MRTFA: variants seen among roughly 807,000 people sequenced by gnomAD.
MRTFA encodes the protein myocardin related transcription factor A, also known as myocardin-related transcription factor A.
In MRTFA, 20 loss-of-function variants were observed where a neutral mutation model predicts 83.5. That is an observed-to-expected ratio of 0.24 (90% CI 0.17 to 0.35). The LOEUF is 0.35. Among genes scored for constraint, MRTFA ranks in the 10% least tolerant of loss-of-function variants. The probability of loss-of-function intolerance (pLI) is 1.00; values close to 1 mark genes in which losing one functional copy is unlikely to be tolerated. For synonymous variants in MRTFA, 659 were observed against 541.2 expected (o/e 1.22, Z -3.02); for missense variants, 1,200 against 1,224.7 (o/e 0.98, Z 0.30).
In MRTFA at chr22:40,416,677, C is replaced by A. The variant is rs1384191630; in HGVS notation, c.2578+309G>T. Among the ~76,000 whole-genome samples, 1 of 152,244 alleles carries A rather than the reference C, an allele frequency of 6.6e-6. No individual in the cohort carries two copies. The highest frequency in any genetic ancestry group is 2.4e-5 in the African/African-American group (1 of 41,468). On this transcript the variant is annotated intron_variant, in intron 14 of 14. Transcript: ENST00000355630. The surrounding 1 kb of genome is among the most constrained non-coding windows in gnomAD (Gnocchi z 4.2). The stretch of plus-strand genomic sequence containing the variant: ...GCTCCTCTCGGATCTTCCATATGAT[C>A]TGCTTATTTCTTATATTTGTTGTCC...
At chr22:40,561,314 C>G (rs1394989809) in intron 2 of MRTFA, among the ~76,000 whole-genome samples, 1 of 151,614 alleles carries the variant, frequency 6.6e-6, no homozygotes, top group East Asian at 1.9e-4. Flanking sequence ...AGGTACTGCC[C>G]TACGTCCTAC....
At chr22:40,537,784 C>T (rs1602402057) in intron 3 of MRTFA, among the ~76,000 whole-genome samples, 1 of 30,280 alleles carries the variant, frequency 3.3e-5, no homozygotes, top group Non-Finnish European at 6.2e-5. Context: ...GTCAGCCCCC[C>T]GCCTGGCCAG....
chr22:40,422,450 G>C (rs923066640), intron 9 of MRTFA, among the ~76,000 whole-genome samples: 2 of 152,216 alleles, frequency 1.3e-5, no homozygotes, highest in African/African-American at 4.8e-5. Context: ...GAAAAGCAGG[G>C]ACACCTGCTG....
intron 3 of MRTFA, among the ~76,000 whole-genome samples, chr22:40,475,327 C>G (rs1368236146): frequency 1.3e-5 from 2 of 151,878 alleles, no homozygotes; most frequent in Non-Finnish European, 2.9e-5. Flanking sequence ...CACCTGAGGT[C>G]AGGAGTTCGA....
chr22:40,419,043 C>A lies in MRTFA; in HGVS notation c.1695G>T (p.Thr565=), dbSNP rs551092105. The stretch of plus-strand genomic sequence containing the variant: ...CCCCGGGGGTGGAGTTTTCATCGCC[C>A]GTGCTGAGCAGTGAGCGCTCCGAGG... Residue 565 remains threonine, a synonymous_variant, in exon 12 of 15, where the codon ACG becomes ACT. Coordinates refer to ENST00000355630, the MANE Select transcript of MRTFA (RefSeq NM_020831.6). The A allele has an allele frequency of 2.7e-5, 43 of 1,611,826 alleles. No homozygotes were observed. Among genetic ancestry groups the A allele is most frequent in the Non-Finnish European group, 3.6e-5 (43 of 1,179,614 alleles).
chr22:40,445,050 G>A (rs1212345909), intron 4 of MRTFA, among the ~76,000 whole-genome samples: 1 of 152,136 alleles, frequency 6.6e-6, no homozygotes, highest in Non-Finnish European at 1.5e-5. Flanking sequence ...CTGGGCAACA[G>A]AATAAGAGCC....
At chr22:40,607,815 T>C (rs1044007808) in intron 1 of MRTFA, among the ~76,000 whole-genome samples, 12 of 152,232 alleles carry the variant, frequency 7.9e-5, no homozygotes, top group Admixed American at 7.2e-4. Context: ...ACTGTTCCAA[T>C]TGTTTAACTT....
intron 3 of MRTFA, among the ~76,000 whole-genome samples, chr22:40,497,452 G>A (rs974823585): frequency 1.3e-5 from 2 of 152,134 alleles, no homozygotes; most frequent in Non-Finnish European, 1.5e-5. Context: ...TGAGGAAGAG[G>A]AAAATAATCT....
chr22:40,573,301 C>G (rs895507237), intron 2 of MRTFA, among the ~76,000 whole-genome samples: 2 of 152,162 alleles, frequency 1.3e-5, no homozygotes, highest in African/African-American at 4.8e-5. Flanking sequence ...GTCACCCAGG[C>G]TGGAGTGCAG....
At chr22:40,496,103 A>G (rs970834095) in intron 3 of MRTFA, among the ~76,000 whole-genome samples, 1 of 151,826 alleles carries the variant, frequency 6.6e-6, no homozygotes, top group Non-Finnish European at 1.5e-5. Flanking sequence ...TAATAATAAT[A>G]ATAAGGCTCT....
chr22:40,528,843 A>C (rs974303775), intron 3 of MRTFA, among the ~76,000 whole-genome samples: 6 of 152,016 alleles, frequency 3.9e-5, no homozygotes, highest in Non-Finnish European at 5.9e-5. Context: ...CCCAACACAA[A>C]TTTGTAAACT....
chr22:40,438,411 C>T (rs1318426215), intron 4 of MRTFA, among the ~76,000 whole-genome samples: 1 of 152,232 alleles, frequency 6.6e-6, no homozygotes, highest in African/African-American at 2.4e-5. Context: ...CTTGCTGCCT[C>T]AACAACCCAC....
At chr22:40,420,717 A>AGAGTG (rs1308708438) in intron 10 of MRTFA, 130 bp downstream of exon 10, 3 of 1,535,246 alleles carry the variant, frequency 2.0e-6, no homozygotes, top group Non-Finnish European at 2.6e-6. Flanking sequence ...CCCTGCCTGC[A>AGAGTG]GACCACTCTG....
intron 4 of MRTFA, among the ~76,000 whole-genome samples, chr22:40,448,037 C>T (rs567653235): frequency 3.3e-5 from 5 of 152,076 alleles, no homozygotes; most frequent in Non-Finnish European, 1.5e-5. Context: ...TGGGGCTGGG[C>T]GTGGTGGCTC....
At chr22:40,429,546 C>T (rs1298092511) in intron 7 of MRTFA, 60 bp downstream of exon 7, 1 of 1,599,774 alleles carries the variant, frequency 6.3e-7, no homozygotes, top group African/African-American at 1.3e-5. Context: ...TTCAGCCTGG[C>T]ACTCCCTCCC....
At chr22:40,523,347 A>G (rs772054003) in intron 3 of MRTFA, 7 of 152,146 alleles carry the variant, frequency 4.6e-5, no homozygotes, top group Non-Finnish European at 1.0e-4. Context: ...TGCATGTGAC[A>G]ATCTTTTTTT....
intron 1 of MRTFA, among the ~76,000 whole-genome samples, chr22:40,603,467 A>G (rs2147399151): frequency 1.3e-5 from 2 of 152,280 alleles, no homozygotes; most frequent in Admixed American, 1.3e-4. Flanking sequence ...ACATATTCTA[A>G]CAAACTGCTG....
At chr22:40,617,156 A>G (rs144134928) in intron 1 of MRTFA, among the ~76,000 whole-genome samples, 1,898 of 101,748 alleles carry the variant, frequency 0.019, 103 homozygotes, top group African/African-American at 0.074. Flanking sequence ...GAAGGAAGGA[A>G]GGAAGGAGGG....
At chr22:40,483,006 A>G (rs2147187917) in intron 3 of MRTFA, among the ~76,000 whole-genome samples, 1 of 152,218 alleles carries the variant, frequency 6.6e-6, no homozygotes, top group Non-Finnish European at 1.5e-5. Context: ...CCCAGACTGC[A>G]GTGAGCCACC....
Sources: allele counts gnomAD v4.1 joint callset (sites outside exome capture counted in the v4.1 genomes callset), GRCh38; gene constraint gnomAD v4.1.1; non-coding constraint Gnocchi (gnomAD v3.1); transcripts MANE v1.5; gene names NCBI Gene and HGNC (gene_info 2026-07-23, HGNC 2026-07-21).